TNFAIP8: variants seen among roughly 807,000 people sequenced by gnomAD.
TNFAIP8 encodes the protein tumor necrosis factor alpha-induced protein 8.
TNFAIP8 carries 7 observed loss-of-function variants against 13.3 expected under a neutral mutation model. That is an observed-to-expected ratio of 0.52 (90% CI 0.30 to 0.99). The LOEUF (loss-of-function observed/expected upper bound fraction) is 0.99. Ranked by LOEUF, TNFAIP8 falls within the 50% of genes least tolerant of loss-of-function variation. TNFAIP8 has a pLI of 0.07. For missense variants in TNFAIP8, 258 were observed against 236.9 expected, an observed-to-expected ratio of 1.09 and a Z score of -0.58; for synonymous variants, 94 against 87.6, an observed-to-expected ratio of 1.07 and a Z score of -0.41.
At chr5:119,294,742 G>A (rs1391257692) in intron 1 of TNFAIP8, among the ~76,000 whole-genome samples, 2 of 152,160 alleles carry the variant, frequency 1.3e-5, no homozygotes, top group Non-Finnish European at 2.9e-5. Context: ...TCTAACTGGT[G>A]TGAGATGGTA....
intron 1 of TNFAIP8, among the ~76,000 whole-genome samples, chr5:119,362,028 C>T (rs1297730668): frequency 6.6e-6 from 1 of 152,182 alleles, no homozygotes; most frequent in East Asian, 1.9e-4. Context: ...GCATCACACA[C>T]AGCACATGTG....
Position 119,295,222 on chromosome 5 carries a change from T to TAACGTTAGACTA in TNFAIP8, c.1+26325_1+26326insTAAACGTTAGAC, listed in dbSNP as rs1234733422. ...AGACCTATAGGTCTAACGTTTAGTC[T>TAACGTTAGACTA]AACGTTAGACCTATAGGTCTAACGT... On this transcript the variant is annotated intron_variant, in intron 1 of 1. Coordinates refer to the TNFAIP8 transcript ENST00000274456. Among the ~76,000 whole-genome samples the TAACGTTAGACTA allele has an allele frequency of 8.3e-5, 4 of 48,058 alleles. No homozygotes were observed. In the East Asian group the frequency reaches 1.0e-3, roughly 12 times the overall value. The allele number at this position is 48,058 out of a possible 152,430, so 31.5% of individuals were successfully genotyped here.
chr5:119,333,507 A>G, intron 1 of TNFAIP8: 2 of 1,502,410 alleles, frequency 1.3e-6, no homozygotes, highest in Middle Eastern at 1.7e-4. Context: ...CCCGAGGGTG[A>G]TGCAGGTTCC....
intron 1 of TNFAIP8, among the ~76,000 whole-genome samples, chr5:119,368,065 G>A (rs1230537979): frequency 6.6e-6 from 1 of 152,160 alleles, no homozygotes; most frequent in Non-Finnish European, 1.5e-5. Flanking sequence ...ATGTTTCCCT[G>A]CCTGTAAAGC....
chr5:119,323,794 G>A (rs1750133173), intron 1 of TNFAIP8, among the ~76,000 whole-genome samples: 1 of 152,148 alleles, frequency 6.6e-6, no homozygotes, highest in Admixed American at 6.5e-5. Flanking sequence ...GCATAAATTG[G>A]CTGAATGGGC....
intron 1 of TNFAIP8, among the ~76,000 whole-genome samples, chr5:119,377,132 G>C (rs1455461766): frequency 1.3e-5 from 2 of 152,188 alleles, no homozygotes; most frequent in African/African-American, 4.8e-5. Context: ...GGCTGGGCCT[G>C]GTGGCTCATC....
At chr5:119,287,588 A>G (rs1748844604) in intron 1 of TNFAIP8, among the ~76,000 whole-genome samples, 2 of 151,334 alleles carry the variant, frequency 1.3e-5, no homozygotes, top group Admixed American at 1.3e-4. Flanking sequence ...TGTATCAACA[A>G]CTCCCCATTC....
intron 1 of TNFAIP8, among the ~76,000 whole-genome samples, chr5:119,375,586 C>T (rs570080502): frequency 1.2e-4 from 18 of 152,176 alleles, no homozygotes; most frequent in East Asian, 1.2e-3. Flanking sequence ...TACCAGGGAA[C>T]GACTATAATG....
intron 1 of TNFAIP8, among the ~76,000 whole-genome samples, chr5:119,368,460 C>T (rs32656): frequency 0.62 from 75,121 of 121,306 alleles, 19,551 homozygotes; most frequent in African/African-American, 0.71. Context: ...TGTGTGTGTG[C>T]GTGTGTGTGT....
chr5:119,368,155 G>A (rs1045343622), intron 1 of TNFAIP8, among the ~76,000 whole-genome samples: 8 of 152,082 alleles, frequency 5.3e-5, no homozygotes, highest in African/African-American at 1.9e-4. Flanking sequence ...ACTTGAAATA[G>A]CATTTTTTTC....
chr5:119,336,776 G>A (rs1750563929), intron 1 of TNFAIP8, among the ~76,000 whole-genome samples: 1 of 152,160 alleles, frequency 6.6e-6, no homozygotes, highest in Admixed American at 6.5e-5. Context: ...CCCTCACCCT[G>A]AAAGTTGGTA....
Position 119,292,685 on chromosome 5 carries a change from T to TAC in TNFAIP8, c.1+23790_1+23791dup, listed in dbSNP as rs71591296. ...ATATATATATATATATATATATATA[T>TAC]ACACACACACACAATGAAATACTAT... On this transcript the variant is annotated intron_variant, in intron 1 of 1. Coordinates refer to the TNFAIP8 transcript ENST00000274456. 3.1e-3 allele frequency among the ~76,000 whole-genome samples: 161 copies of TAC among 52,312 alleles called. 7 individuals carry two copies. Among genetic ancestry groups the TAC allele is most frequent in the South Asian group, 9.8e-3 (11 of 1,120 alleles). 34.3% of individuals were successfully genotyped at this position (52,312 alleles called of 152,430 possible).
chr5:119,299,877 A>G (rs969126219), intron 1 of TNFAIP8, among the ~76,000 whole-genome samples: 2 of 152,184 alleles, frequency 1.3e-5, no homozygotes, highest in African/African-American at 2.4e-5. Flanking sequence ...TGTGCTAGCA[A>G]TCAGCAAGAC....
At chr5:119,347,081 A>G (rs1326988812) in intron 1 of TNFAIP8, among the ~76,000 whole-genome samples, 3 of 152,178 alleles carry the variant, frequency 2.0e-5, no homozygotes, top group Non-Finnish European at 4.4e-5. Flanking sequence ...ACAGGTTGCT[A>G]TTTCTTTAAG....
chr5:119,316,879 C>G (rs7718395), intron 1 of TNFAIP8, among the ~76,000 whole-genome samples: 35,924 of 152,106 alleles, frequency 0.24, 5,252 homozygotes, highest in Non-Finnish European at 0.33. Context: ...CTGCTGGTAT[C>G]TAGTGGGTAG....
chr5:119,352,891 G>A (rs909316786), upstream of TNFAIP8, among the ~76,000 whole-genome samples: 4 of 152,184 alleles, frequency 2.6e-5, no homozygotes, highest in Admixed American at 6.5e-5. Flanking sequence ...AGCCCCAGGT[G>A]AGTAGGGTCA....
At chr5:119,367,244 T>G (rs2112803427) in intron 1 of TNFAIP8, among the ~76,000 whole-genome samples, 1 of 152,156 alleles carries the variant, frequency 6.6e-6, no homozygotes, top group African/African-American at 2.4e-5. Context: ...CAGATAACCC[T>G]TCCTTTAAAA....
intron 1 of TNFAIP8, among the ~76,000 whole-genome samples, chr5:119,297,780 G>C (rs952436772): frequency 2.6e-4 from 40 of 152,152 alleles, no homozygotes; most frequent in African/African-American, 9.4e-4. Context: ...CTTTATGAAT[G>C]TGGGTGCTCC....
At chr5:119,369,925 T>C in intron 1 of TNFAIP8, among the ~76,000 whole-genome samples, 1 of 152,214 alleles carries the variant, frequency 6.6e-6, no homozygotes, top group East Asian at 1.9e-4. Flanking sequence ...TGGAGGGCTC[T>C]AATGGGGTCA....
Sources: gnomAD v4.1 joint callset for allele counts (sites outside exome capture counted in the v4.1 genomes callset) on GRCh38, gnomAD v4.1.1 for gene constraint, MANE v1.5 for transcripts, NCBI Gene and HGNC (gene_info 2026-07-23, HGNC 2026-07-21) for gene names.